The following GSG1L variants were observed in gnomAD, a reference collection of about 807,000 sequenced individuals.
GSG1L encodes the protein germ cell-specific gene 1-like protein.
Under a neutral mutation model 42.1 loss-of-function variants are expected in GSG1L, and 24 were observed. The observed-to-expected ratio is 0.57, with a 90% confidence interval of 0.41 to 0.80. The LOEUF is 0.80. Ranked by LOEUF, GSG1L falls within the 30% of genes least tolerant of loss-of-function variation. The pLI is 0.00. For missense variants in GSG1L, 445 were observed against 472.2 expected, an observed-to-expected ratio of 0.94 and a Z score of 0.53; for synonymous variants, 215 against 203.5, an observed-to-expected ratio of 1.06 and a Z score of -0.48.
chr16:27,852,147 G>A (rs889108796), intron 3 of GSG1L, among the ~76,000 whole-genome samples: 3 of 152,236 alleles, frequency 2.0e-5, no homozygotes, highest in African/African-American at 4.8e-5. Flanking sequence ...CTGAGAACAC[G>A]CAGTGAGCAC....
At chr16:28,051,036 C>T (rs1266458733) in intron 1 of GSG1L, among the ~76,000 whole-genome samples, 1 of 152,174 alleles carries the variant, frequency 6.6e-6, no homozygotes, top group African/African-American at 2.4e-5. Flanking sequence ...GTCTTGTTTC[C>T]TGCTACAGTC....
At chr16:27,849,194 T>TC (rs148854172) in intron 3 of GSG1L, among the ~76,000 whole-genome samples, 16 of 45,044 alleles carry the variant, frequency 3.6e-4, no homozygotes, top group African/African-American at 1.8e-3. Flanking sequence ...TGAGCCTCTA[T>TC]CCCAAAAAGA....
chr16:28,012,360 A>G (rs962147293), intron 1 of GSG1L, among the ~76,000 whole-genome samples: 1 of 152,162 alleles, frequency 6.6e-6, no homozygotes, highest in African/African-American at 2.4e-5. Flanking sequence ...CCCAATGCTG[A>G]AACTCACTTG....
intron 2 of GSG1L, among the ~76,000 whole-genome samples, chr16:27,925,924 T>G (rs952274280): frequency 6.6e-6 from 1 of 151,948 alleles, no homozygotes; most frequent in African/African-American, 2.4e-5. Flanking sequence ...GCCCAGGAGA[T>G]TGGAACAAAA....
chr16:27,833,788 T>C (rs2083295381), intron 4 of GSG1L, among the ~76,000 whole-genome samples: 1 of 152,184 alleles, frequency 6.6e-6, no homozygotes, highest in Non-Finnish European at 1.5e-5. Context: ...ATTTTTATCT[T>C]CTATCCTAAG....
intron 4 of GSG1L, 107 bp downstream of exon 4, chr16:27,844,843 T>TTC: frequency 3.9e-6 from 1 of 258,008 alleles, no homozygotes; most frequent in East Asian, 8.6e-5. Flanking sequence ...TCTCCCCATT[T>TTC]CTCCTCCCCC....
chr16:27,813,629 C>T (rs1006274953), intron 5 of GSG1L, among the ~76,000 whole-genome samples: 1 of 152,216 alleles, frequency 6.6e-6, no homozygotes, highest in Non-Finnish European at 1.5e-5. Flanking sequence ...TTTCCTTGCA[C>T]AGACTTGAGG....
intron 6 of GSG1L, among the ~76,000 whole-genome samples, chr16:27,801,541 T>A (rs1293634783): frequency 6.6e-6 from 1 of 152,164 alleles, no homozygotes; most frequent in Non-Finnish European, 1.5e-5. Context: ...TCCAGGCATT[T>A]CCAAAATATT....
At chr16:27,818,972 G>A (rs1207261577) in intron 5 of GSG1L, among the ~76,000 whole-genome samples, 2 of 152,118 alleles carry the variant, frequency 1.3e-5, no homozygotes, top group Non-Finnish European at 2.9e-5. Flanking sequence ...GACCTCGGCC[G>A]GGCGCGGTGG....
chr16:27,891,482 T>G (rs1419290897), intron 2 of GSG1L, among the ~76,000 whole-genome samples: 3 of 152,184 alleles, frequency 2.0e-5, no homozygotes, highest in Non-Finnish European at 4.4e-5. Context: ...TTATTCATTT[T>G]TGAGACAAAG....
chr16:27,904,303 C>G (rs926297154), intron 2 of GSG1L, among the ~76,000 whole-genome samples: 4 of 152,044 alleles, frequency 2.6e-5, no homozygotes, highest in Non-Finnish European at 5.9e-5. Flanking sequence ...CTCCTGAGGT[C>G]AAGTGATCCT....
intron 2 of GSG1L, among the ~76,000 whole-genome samples, chr16:27,895,343 G>A (rs556449468): frequency 6.6e-5 from 10 of 152,028 alleles, no homozygotes; most frequent in Non-Finnish European, 1.2e-4. Context: ...GATCCCACCC[G>A]GTGCCCCTCA....
chr16:28,063,185 G>A lies in GSG1L; in HGVS notation c.240C>T (p.Gly80=), dbSNP rs1289817436. Residue 80 remains glycine (G), a synonymous_variant, in exon 1 of 7, where the codon GGC becomes GGT. Transcript: ENST00000447459. The surrounding 1 kb of genome is among the most constrained non-coding windows in gnomAD (Gnocchi z 5.8). The stretch of plus-strand genomic sequence containing the variant: ...AGCTGTAGAGCGCGCCGCCAGGGGG[G>A]CCGTTCCCCGAGGCGGTGGCGGCGG... ...AAAAATASGN[G]PPGGALYSWE... 46 of 1,316,424 alleles carry A rather than the reference G, an allele frequency of 3.5e-5. 1 individual carries two copies. Among genetic ancestry groups the A allele is most frequent in the Non-Finnish European group, 4.1e-5 (42 of 1,032,090 alleles). The allele number at this position is 1,316,424 out of a possible 1,614,324, so 81.5% of individuals were successfully genotyped here. A position where few individuals can be genotyped will look rare whatever the true frequency, so the allele number is the denominator to read the frequency against.
intron 5 of GSG1L, among the ~76,000 whole-genome samples, chr16:27,827,124 T>C (rs1018611733): frequency 1.3e-5 from 2 of 152,208 alleles, no homozygotes; most frequent in African/African-American, 4.8e-5. Flanking sequence ...CCTAACTGCA[T>C]AGTGAAGTCT....
intron 4 of GSG1L, among the ~76,000 whole-genome samples, chr16:27,843,210 T>C (rs1411183726): frequency 2.0e-5 from 3 of 152,116 alleles, no homozygotes; most frequent in Non-Finnish European, 4.4e-5. Flanking sequence ...TAGTGGACAA[T>C]TGTGGTCTCT....
At chr16:27,991,488 C>T (rs746827117) in intron 1 of GSG1L, among the ~76,000 whole-genome samples, 10 of 152,018 alleles carry the variant, frequency 6.6e-5, no homozygotes, top group Admixed American at 2.6e-4. Flanking sequence ...TCACTGCAAC[C>T]GCTGCCCCCC....
At chr16:27,800,382 C>T (rs1042396767) in intron 6 of GSG1L, among the ~76,000 whole-genome samples, 1 of 152,198 alleles carries the variant, frequency 6.6e-6, no homozygotes, top group African/African-American at 2.4e-5. Flanking sequence ...GCCCAGCATG[C>T]GACAGCCTCT....
intron 2 of GSG1L, among the ~76,000 whole-genome samples, chr16:27,948,609 C>CT (rs202151239): frequency 0.18 from 21,497 of 116,572 alleles, 2,695 homozygotes; most frequent in Non-Finnish European, 0.28. Flanking sequence ...TCTTCTTCTT[C>CT]TTTTTTTTTT....
At chr16:27,837,531 T>C (rs1298212625) in intron 4 of GSG1L, among the ~76,000 whole-genome samples, 1 of 152,184 alleles carries the variant, frequency 6.6e-6, no homozygotes, top group African/African-American at 2.4e-5. Flanking sequence ...CACACATCAC[T>C]GACACCATGG....
Sources: gnomAD v4.1 joint callset for allele counts (sites outside exome capture counted in the v4.1 genomes callset) on GRCh38, gnomAD v4.1.1 for gene constraint, Gnocchi (gnomAD v3.1) non-coding constraint, MANE v1.5 for transcripts, NCBI Gene and HGNC (gene_info 2026-07-23, HGNC 2026-07-21) for gene names.